The following TBPL2 variants were observed in gnomAD, a reference collection of about 807,000 sequenced individuals.
TBPL2 encodes the protein TATA-box binding protein like 2.
A neutral mutation model predicts 38.2 loss-of-function variants in TBPL2; 40 were observed. The ratio of observed to expected loss-of-function variants is 1.05; its 90% CI spans 0.81 to 1.36. The LOEUF (loss-of-function observed/expected upper bound fraction) is 1.36. Ranked by LOEUF, TBPL2 falls within the 40% of genes most tolerant of loss-of-function variation. The pLI, the probability that TBPL2 is intolerant of heterozygous loss-of-function variation, is 0.00. For synonymous variants in TBPL2, 169 were observed against 171.7 expected, an observed-to-expected ratio of 0.98 and a Z score of 0.12; for missense variants, 461 against 456.7, an observed-to-expected ratio of 1.01 and a Z score of -0.09.
exon 1 of TBPL2, chr14:55,440,421 A>C (rs774476559): frequency 6.2e-7 from 1 of 1,612,856 alleles, no homozygotes; most frequent in Non-Finnish European, 8.5e-7. Flanking sequence ...GTCCAGGTAG[A>C]GCTCCAGGTA....
intron 6 of TBPL2, among the ~76,000 whole-genome samples, chr14:55,420,575 A>T (rs887353114): frequency 1.3e-5 from 2 of 152,200 alleles, no homozygotes; most frequent in African/African-American, 2.4e-5. Context: ...GTATAAGCAG[A>T]ATTTGGATTT....
chr14:55,433,636 G>A (rs1402267720), exon 4 of TBPL2: 2 of 1,613,594 alleles, frequency 1.2e-6, no homozygotes, highest in African/African-American at 1.3e-5. Context: ...ATACCTTTTG[G>A]CTCCCGTGCA....
In TBPL2 at chr14:55,426,646, G is replaced by A. The variant is rs186921184; in HGVS notation, c.956+2161C>T. Among the ~76,000 whole-genome samples, 88 of 152,160 alleles carry A rather than the reference G, an allele frequency of 5.8e-4. 1 individual carries two copies. In the South Asian group the frequency reaches 8.3e-3, roughly 14 times the overall value. ...GCTGACAGCCGAATGGAGAGGATGA[G>A]GGGGAGGCAAGAATGAGACTAGAAA... On this transcript the variant is annotated intron_variant, in intron 5 of 6. Transcript: ENST00000247219.
intron 4 of TBPL2, among the ~76,000 whole-genome samples, chr14:55,429,859 G>A (rs1390214855): frequency 6.6e-6 from 1 of 150,908 alleles, no homozygotes; most frequent in African/African-American, 2.4e-5. Context: ...TAAGATATGT[G>A]CTGATTGAGT....
At position 55,420,116 on chromosome 14, in the gene TBPL2, G is replaced by T. The variant is rs143036104; in HGVS notation, c.1051+4043C>A. Among the ~76,000 whole-genome samples the T allele has an allele frequency of 7.5e-3, 1,148 of 152,274 alleles. 18 individuals carry two copies. Among genetic ancestry groups the T allele is most frequent in the African/African-American group, 0.027 (1,111 of 41,544 alleles). ...GACAGACTCTTGCTCTGTTACCCAG[G>T]CTAGAGTGCAGTGGCACGATCTCGG... On this transcript the variant is annotated intron_variant, in intron 6 of 6. Coordinates refer to ENST00000247219, the Ensembl canonical transcript of TBPL2.
chr14:55,424,288 CA>C (rs775530480), intron 5 of TBPL2, 35 bp from the exon 6 acceptor site: 4 of 1,377,474 alleles, frequency 2.9e-6, no homozygotes, highest in Admixed American at 1.7e-5. Flanking sequence ...TTAAAAATAG[CA>C]CTATTCAGCT....
At chr14:55,427,679 G>A (rs1424124069) in intron 5 of TBPL2, among the ~76,000 whole-genome samples, 1 of 152,118 alleles carries the variant, frequency 6.6e-6, no homozygotes, top group African/African-American at 2.4e-5. Context: ...CCTGCTCTCT[G>A]AGGGCCTGGG....
intron 6 of TBPL2, among the ~76,000 whole-genome samples, chr14:55,416,448 A>G (rs1885670816): frequency 6.6e-6 from 1 of 152,212 alleles, no homozygotes; most frequent in Admixed American, 6.5e-5. Context: ...GGAAAAAAAT[A>G]AAAAGAGAAA....
intron 3 of TBPL2, 75 bp from the exon 4 acceptor site, chr14:55,433,796 A>T: frequency 7.4e-7 from 1 of 1,357,032 alleles, no homozygotes; most frequent in Non-Finnish European, 1.0e-6. Flanking sequence ...GCCGAGCTGA[A>T]TATGAAAATC....
At chr14:55,429,963 G>A (rs1190684190) in intron 4 of TBPL2, among the ~76,000 whole-genome samples, 2 of 151,802 alleles carry the variant, frequency 1.3e-5, no homozygotes, top group East Asian at 3.9e-4. Flanking sequence ...TGTTTTGCTC[G>A]GCTTTCTCAC....
intron 1 of TBPL2, chr14:55,438,679 G>A (rs1002669682): frequency 2.0e-5 from 3 of 152,170 alleles, no homozygotes; most frequent in Admixed American, 6.5e-5. Flanking sequence ...AAACTTGACC[G>A]GCTCCCTGCA....
chr14:55,435,487 G>T (rs757268489), intron 3 of TBPL2, among the ~76,000 whole-genome samples: 3 of 152,010 alleles, frequency 2.0e-5, no homozygotes, highest in Non-Finnish European at 2.9e-5. Flanking sequence ...TGTTGGTCAG[G>T]CTGGTCTCAA....
intron 4 of TBPL2, 123 bp downstream of exon 4, chr14:55,433,507 A>G (rs1385452994): frequency 1.1e-6 from 1 of 894,144 alleles, no homozygotes; most frequent in Non-Finnish European, 1.8e-6. Flanking sequence ...TTCATTGAAT[A>G]AAGTCTTCAG....
intron 4 of TBPL2, among the ~76,000 whole-genome samples, chr14:55,430,040 T>C (rs1885900059): frequency 6.6e-6 from 1 of 152,130 alleles, no homozygotes. Context: ...TGTGGCTATG[T>C]CCTTTAAGTG....
intron 5 of TBPL2, among the ~76,000 whole-genome samples, chr14:55,425,880 T>C (rs1472014245): frequency 1.3e-5 from 2 of 152,216 alleles, no homozygotes; most frequent in African/African-American, 4.8e-5. Flanking sequence ...ATAGCTATAT[T>C]GCTTGCCATT....
chr14:55,414,903 A>G (rs530308842), intron 6 of TBPL2, among the ~76,000 whole-genome samples: 2 of 152,380 alleles, frequency 1.3e-5, no homozygotes, highest in East Asian at 3.8e-4. Context: ...TTAGTTTAAA[A>G]TTCTAAATTT....
At chr14:55,436,748 C>A in exon 2 of TBPL2, 1 of 1,614,176 alleles carries the variant, frequency 6.2e-7, no homozygotes. Context: ...AGCCCAACGT[C>A]CTGTTCGCTG....
intron 6 of TBPL2, among the ~76,000 whole-genome samples, chr14:55,415,392 A>G (rs1350738915): frequency 6.6e-6 from 1 of 152,242 alleles, no homozygotes; most frequent in East Asian, 1.9e-4. Context: ...TACTGTGGAA[A>G]CTAGTTCGGT....
At chr14:55,439,250 A>T (rs1440363095) in intron 1 of TBPL2, among the ~76,000 whole-genome samples, 10 of 140,512 alleles carry the variant, frequency 7.1e-5, no homozygotes, top group African/African-American at 2.1e-4. Context: ...AATGCTAAGG[A>T]TTTTTAAGTC....
Sources: gnomAD v4.1 joint callset for allele counts (sites outside exome capture counted in the v4.1 genomes callset) on GRCh38, gnomAD v4.1.1 for gene constraint, MANE v1.5 for transcripts, NCBI Gene and HGNC (gene_info 2026-07-23, HGNC 2026-07-21) for gene names.